WDFY3: variants seen among roughly 807,000 people sequenced by gnomAD.
WDFY3 encodes WD repeat and FYVE domain containing 3.
Under a neutral mutation model 409.6 loss-of-function variants are expected in WDFY3, and 66 were observed. The ratio of observed to expected loss-of-function variants is 0.16; its 90% confidence interval spans 0.13 to 0.20. WDFY3 has a LOEUF of 0.20. Among genes scored for constraint, WDFY3 ranks in the 10% least tolerant of loss-of-function variants. WDFY3 has a pLI of 1.00. For missense variants in WDFY3, 3,031 were observed against 4,298.1 expected, an observed-to-expected ratio of 0.71 and a Z score of 8.24; for synonymous variants, 1,521 against 1,537.1, an observed-to-expected ratio of 0.99 and a Z score of 0.25.
At chr4:84,699,304 G>A (rs373806226) in intron 56 of WDFY3, among the ~76,000 whole-genome samples, 1 of 152,152 alleles carries the variant, frequency 6.6e-6, no homozygotes. Flanking sequence ...AAATGGAAAT[G>A]TACAATATGT....
chr4:84,690,494 G>A lies in WDFY3; in HGVS notation c.9363+12C>T. The A allele has an allele frequency of 1.2e-6, 2 of 1,614,056 alleles. No homozygotes were observed. The highest frequency in any genetic ancestry group is 1.7e-6 in the Non-Finnish European group (2 of 1,179,984). On this transcript the variant is annotated intron_variant, in intron 61 of 67. Coordinates refer to ENST00000295888, the MANE Select transcript of WDFY3 (RefSeq NM_014991.6). ...CTATGTCCTTCTTGGCATTTTCTAT[G>A]TTCTCTCTTACCTGTTTGAGGGTGA...
intron 3 of WDFY3, among the ~76,000 whole-genome samples, chr4:84,874,422 A>AG (rs979222597): frequency 1.1e-4 from 17 of 151,972 alleles, no homozygotes; most frequent in Non-Finnish European, 2.5e-4. Context: ...CAAAAAAAAA[A>AG]CAAACAAACA....
intron 8 of WDFY3, among the ~76,000 whole-genome samples, 193 bp downstream of exon 8, chr4:84,831,220 G>A: frequency 6.7e-6 from 1 of 149,398 alleles, no homozygotes. Context: ...CTATTGTTCA[G>A]AACTTATGAG....
chr4:84,868,039 T>C (rs1284807356), intron 3 of WDFY3, among the ~76,000 whole-genome samples: 1 of 151,526 alleles, frequency 6.6e-6, no homozygotes, highest in East Asian at 1.9e-4. Flanking sequence ...GATGGTGTCA[T>C]GCGCCTGTAG....
rs1753998554 is a variant in WDFY3, at chr4:84,821,138, A to G, written c.1537T>C (p.Leu513=). The part of the protein sequence containing the change: ...VGLLEVMVNL[L]HKYAALLKDP... Reference sequence around the variant, plus strand: ...TTCAACAGGGCAGCATATTTATGCAAAAGGTTTACCATGACCTCCAAAAGG... The same window carrying G: ...TTCAACAGGGCAGCATATTTATGCAGAAGGTTTACCATGACCTCCAAAAGG... The change falls in exon 11 of 68, where the codon TTG becomes CTG. Residue 513 remains leucine, a synonymous_variant. Coordinates refer to ENST00000295888, the MANE Select transcript of WDFY3 (RefSeq NM_014991.6). 1.2e-6 allele frequency: 2 copies of G among 1,613,474 alleles called. No homozygotes were observed. Among genetic ancestry groups the G allele is most frequent in the Non-Finnish European group, 1.7e-6 (2 of 1,179,752 alleles).
At chr4:84,862,236 G>A (rs548057624) in intron 3 of WDFY3, among the ~76,000 whole-genome samples, 5 of 152,288 alleles carry the variant, frequency 3.3e-5, no homozygotes, top group Admixed American at 1.3e-4. Flanking sequence ...CAGGTGAAGA[G>A]GAGTCAGACA....
chr4:84,755,585 TA>T (rs1480466171), intron 33 of WDFY3, among the ~76,000 whole-genome samples, 185 bp from the exon 34 acceptor site: 1 of 152,176 alleles, frequency 6.6e-6, no homozygotes, highest in Non-Finnish European at 1.5e-5. Context: ...TTTATAGATA[TA>T]AAAAATTGAA....
chr4:84,958,451 A>T (rs1334105184), intron 1 of WDFY3, among the ~76,000 whole-genome samples: 4 of 152,194 alleles, frequency 2.6e-5, no homozygotes, highest in Admixed American at 6.5e-5. Flanking sequence ...AGTTCCTCCC[A>T]TCCAAGACCT....
chr4:84,965,644 T>G (rs1579324447), intron 1 of WDFY3: 1 of 152,238 alleles, frequency 6.6e-6, no homozygotes, highest in South Asian at 2.1e-4. Context: ...CATCTCTGGC[T>G]CCTTCCATAA....
chr4:84,770,659 C>G (rs930284031), intron 30 of WDFY3, among the ~76,000 whole-genome samples: 1 of 152,128 alleles, frequency 6.6e-6, no homozygotes, highest in Non-Finnish European at 1.5e-5. Context: ...CCAAGAAGAA[C>G]CCAAGATCCT....
chr4:84,744,494 T>TG (rs1449585009), intron 36 of WDFY3, among the ~76,000 whole-genome samples: 1 of 151,938 alleles, frequency 6.6e-6, no homozygotes, highest in Non-Finnish European at 1.5e-5. Context: ...CTAGGGAGGC[T>TG]GGGGTGGGAG....
intron 3 of WDFY3, among the ~76,000 whole-genome samples, chr4:84,884,814 A>C (rs1763976802): frequency 6.6e-6 from 1 of 152,220 alleles, no homozygotes; most frequent in South Asian, 2.1e-4. Flanking sequence ...AACATGTGAT[A>C]ATTGTCACAG....
rs567980168 is a variant in WDFY3, at chr4:84,765,288, T to C, written c.5188+522A>G. Among the ~76,000 whole-genome samples, 84 of 152,316 alleles carry C rather than the reference T, an allele frequency of 5.5e-4. 1 individual carries two copies. Among genetic ancestry groups the C allele is most frequent in the African/African-American group, 2.0e-3 (83 of 41,576 alleles). On this transcript the variant is annotated intron_variant, in intron 32 of 67. Coordinates refer to ENST00000295888, the MANE Select transcript of WDFY3 (RefSeq NM_014991.6). Reference sequence around the variant, plus strand: ...CTCAGTTATAGGCTGAAAATAGCTATGGTACTAGTGAGCTTAAATCCTTGT... The same window carrying C: ...CTCAGTTATAGGCTGAAAATAGCTACGGTACTAGTGAGCTTAAATCCTTGT...
intron 49 of WDFY3, among the ~76,000 whole-genome samples, chr4:84,716,048 AT>A (rs897518105): frequency 2.0e-5 from 3 of 152,040 alleles, no homozygotes; most frequent in South Asian, 2.1e-4. Flanking sequence ...AATTACCCAA[AT>A]TTTAGGCTGT....
intron 2 of WDFY3, among the ~76,000 whole-genome samples, chr4:84,918,035 T>C (rs779754248): frequency 3.9e-5 from 6 of 152,058 alleles, no homozygotes; most frequent in Non-Finnish European, 8.8e-5. Flanking sequence ...TTGGCAAAAA[T>C]TCAAAAGCTT....
rs377080710 is a variant in WDFY3, at chr4:84,682,329, G to T, written c.9823+45C>A. 6 of 1,568,048 alleles carry T rather than the reference G, an allele frequency of 3.8e-6. No individual in the cohort carries two copies. In the African/African-American group the frequency reaches 8.1e-5, roughly 21 times the overall value. ...TAAGCTTATCCACAGTGACTTAAAA[G>T]AAATATGAAAACGATTTGAGTCATT... On this transcript the variant is annotated intron_variant, in intron 64 of 67. Coordinates refer to ENST00000295888, the MANE Select transcript of WDFY3 (RefSeq NM_014991.6).
At chr4:84,949,400 T>A (rs1561143291) in intron 1 of WDFY3, among the ~76,000 whole-genome samples, 1 of 152,180 alleles carries the variant, frequency 6.6e-6, no homozygotes, top group African/African-American at 2.4e-5. Context: ...AGATAAATTT[T>A]AAAATAGGAG....
chr4:84,750,047 C>A (rs774444171), intron 36 of WDFY3, among the ~76,000 whole-genome samples: 10 of 152,120 alleles, frequency 6.6e-5, no homozygotes, highest in Non-Finnish European at 1.0e-4. Context: ...CATTCCATAT[C>A]TTTCATGTAT....
In WDFY3 at chr4:84,678,551, A is replaced by G. The variant is rs902115486; in HGVS notation, c.10148-272T>C. On this transcript the variant is annotated intron_variant, in intron 65 of 67. Coordinates refer to ENST00000295888, the MANE Select transcript of WDFY3 (RefSeq NM_014991.6). ...CAAGCAGATGCATCCAATTTCTCCA[A>G]TTGAGGACCTTGCCTCTAACTCTAT... 6.6e-5 allele frequency among the ~76,000 whole-genome samples: 10 copies of G among 152,360 alleles called. No individual in the cohort carries two copies. In the South Asian group the frequency reaches 8.3e-4, roughly 13 times the overall value.
Sources: gnomAD v4.1 joint callset for allele counts (sites outside exome capture counted in the v4.1 genomes callset) on GRCh38, gnomAD v4.1.1 for gene constraint, MANE v1.5 for transcripts, NCBI Gene and HGNC (gene_info 2026-07-23, HGNC 2026-07-21) for gene names.